Variants in TRAPPC8 observed in about 807,000 individuals in gnomAD.
TRAPPC8 encodes trafficking protein particle complex subunit 8.
In TRAPPC8, 54 loss-of-function variants were observed where a neutral mutation model predicts 174.3. The observed-to-expected ratio is 0.31, with a 90% CI of 0.25 to 0.39. The LOEUF (loss-of-function observed/expected upper bound fraction) is 0.39. Ranked by LOEUF, TRAPPC8 falls within the 10% of genes least tolerant of loss-of-function variation. The pLI is 1.00. For synonymous variants in TRAPPC8, 630 were observed against 579.9 expected (o/e 1.09, Z -1.24); for missense variants, 1,531 against 1,699.1 (o/e 0.90, Z 1.74).
chr18:31,874,496 T>C lies in TRAPPC8; in HGVS notation c.1937A>G (p.Tyr646Cys), dbSNP rs775820315. The change falls in exon 13 of 29, where the codon TAT becomes TGT. Residue 646 changes from tyrosine to cysteine, a missense_variant. Tyr to Cys is a radical substitution (Grantham distance 194). Coordinates refer to ENST00000283351, the MANE Select transcript of TRAPPC8 (RefSeq NM_014939.5). Reference sequence around the variant, plus strand: ...AGCAGTCACCTTGTAAACATAAAGATATTCTCTGAGGAAAGCCCCCTGTTG... The same window carrying C: ...AGCAGTCACCTTGTAAACATAAAGACATTCTCTGAGGAAAGCCCCCTGTTG... ...AAQQGAFLRE[Y>C]LYVYKNVSQL... is the part of the protein sequence containing the mutation. 3 of 1,613,944 alleles carry C rather than the reference T, an allele frequency of 1.9e-6. No individual in the cohort carries two copies. The highest frequency in any genetic ancestry group is 2.5e-6 in the Non-Finnish European group (3 of 1,179,974).
chr18:31,862,144 G>A (rs375708179), intron 19 of TRAPPC8, among the ~76,000 whole-genome samples: 1 of 151,946 alleles, frequency 6.6e-6, no homozygotes, highest in East Asian at 1.9e-4. Flanking sequence ...AAACAATAAT[G>A]GTGAATAACC....
intron 10 of TRAPPC8, among the ~76,000 whole-genome samples, chr18:31,898,587 T>G (rs1457469209): frequency 6.6e-6 from 1 of 152,252 alleles, no homozygotes; most frequent in Non-Finnish European, 1.5e-5. Context: ...TTTTGCTGGC[T>G]ACTTTGAGAA....
chr18:31,867,047 A>T, intron 17 of TRAPPC8, 72 bp from the exon 18 acceptor site: 1 of 1,500,314 alleles, frequency 6.7e-7, no homozygotes, highest in Non-Finnish European at 9.0e-7. Flanking sequence ...TAATTCTATA[A>T]TGTTGCAAAA....
chr18:31,869,720 A>AATAT (rs1199453895), intron 16 of TRAPPC8, among the ~76,000 whole-genome samples: 1 of 152,216 alleles, frequency 6.6e-6, no homozygotes. Flanking sequence ...TACGCCTATA[A>AATAT]AACAACACAG....
intron 12 of TRAPPC8, among the ~76,000 whole-genome samples, chr18:31,884,886 C>T (rs914052340): frequency 2.7e-5 from 4 of 149,674 alleles, no homozygotes; most frequent in Non-Finnish European, 5.9e-5. Context: ...TGGAGCCTCA[C>T]TGTGTAGCCC....
In TRAPPC8 at chr18:31,878,740, T is replaced by A. The variant is rs1037830050; in HGVS notation, c.1729-4036A>T. On this transcript the variant is annotated intron_variant, in intron 12 of 28. Transcript: ENST00000283351. The stretch of plus-strand genomic sequence containing the variant: ...CTATCTACAAGAGACCTATCTTCTG[T>A]GTAACGAGATCCACAGGCTCAAAGT... Among the ~76,000 whole-genome samples, 5 of 152,206 alleles carry A rather than the reference T, an allele frequency of 3.3e-5. No homozygotes were observed. The East Asian group carries it at 9.7e-4, about 29-fold the overall frequency.
Position 31,830,655 on chromosome 18 carries a change from T to A in TRAPPC8, c.*100A>T. Reference sequence around the variant, plus strand: ...CAAAGTATTTTGCAGGGATCAGATATCAATCAACCTCCATAACAAGTTAGG... The same window carrying A: ...CAAAGTATTTTGCAGGGATCAGATAACAATCAACCTCCATAACAAGTTAGG... On this transcript the variant is annotated 3_prime_UTR_variant, in exon 29 of 29. Transcript: ENST00000283351. 1.0e-6 allele frequency: 1 copy of A among 982,164 alleles called. No individual in the cohort carries two copies. Among genetic ancestry groups the A allele is most frequent in the Non-Finnish European group, 1.5e-6 (1 of 669,312 alleles). 60.8% of individuals were successfully genotyped at this position (982,164 alleles called of 1,614,324 possible).
Position 31,890,717 on chromosome 18 carries a change from T to C in TRAPPC8, c.1728+18A>G, listed in dbSNP as rs181148799. On this transcript the variant is annotated intron_variant, in intron 12 of 28. Coordinates refer to ENST00000283351, the MANE Select transcript of TRAPPC8 (RefSeq NM_014939.5). The stretch of plus-strand genomic sequence containing the variant: ...TAAAATAAATAGCAACTTTTCATTG[T>C]AAAGCAAATGCACTCACCTGCCCTG... The C allele has an allele frequency of 1.1e-4, 178 of 1,593,248 alleles. No individual in the cohort carries two copies. The African/African-American group carries it at 2.1e-3, about 19-fold the overall frequency.
chr18:31,915,454 C>G (rs1259443645), intron 4 of TRAPPC8, among the ~76,000 whole-genome samples: 3 of 138,534 alleles, frequency 2.2e-5, no homozygotes, highest in Non-Finnish European at 4.6e-5. Context: ...CAAAGTGAAA[C>G]CCCATCAAAA....
chr18:31,882,655 C>T (rs1007392081), intron 12 of TRAPPC8, among the ~76,000 whole-genome samples: 8 of 151,844 alleles, frequency 5.3e-5, no homozygotes, highest in Middle Eastern at 6.3e-3. Flanking sequence ...CTCGCTCTGT[C>T]GCTCAGGTTG....
At chr18:31,887,143 T>A (rs1281937821) in intron 12 of TRAPPC8, among the ~76,000 whole-genome samples, 2 of 152,174 alleles carry the variant, frequency 1.3e-5, no homozygotes, top group African/African-American at 4.8e-5. Context: ...AAAAAGCTTA[T>A]CCACCACAAT....
intron 19 of TRAPPC8, among the ~76,000 whole-genome samples, chr18:31,859,761 C>T (rs905142108): frequency 8.5e-5 from 13 of 152,136 alleles, no homozygotes; most frequent in South Asian, 4.1e-4. Flanking sequence ...CAGTGGCTCA[C>T]GCCTGTAATC....
intron 5 of TRAPPC8, among the ~76,000 whole-genome samples, chr18:31,912,150 C>T (rs997568144): frequency 1.3e-5 from 2 of 152,050 alleles, no homozygotes; most frequent in African/African-American, 4.8e-5. Flanking sequence ...TGCCCACCCA[C>T]CTAAAAAGTA....
intron 2 of TRAPPC8, among the ~76,000 whole-genome samples, chr18:31,929,034 T>C (rs569906897): frequency 1.3e-5 from 2 of 151,622 alleles, no homozygotes; most frequent in South Asian, 4.2e-4. Context: ...TACAAAAAAT[T>C]AGCTGGGCGT....
At chr18:31,842,467 TG>T (rs1568034929) in intron 26 of TRAPPC8, among the ~76,000 whole-genome samples, 1 of 152,234 alleles carries the variant, frequency 6.6e-6, no homozygotes, top group Non-Finnish European at 1.5e-5. Context: ...GGCATCAGGC[TG>T]ATCACCTGCA....
chr18:31,846,586 CA>C, intron 26 of TRAPPC8, 129 bp downstream of exon 26: 21 of 717,532 alleles, frequency 2.9e-5, no homozygotes, highest in South Asian at 4.2e-5. Context: ...AAAACAACAA[CA>C]AAAAAAACCA....
At chr18:31,843,672 T>A (rs939630697) in intron 26 of TRAPPC8, among the ~76,000 whole-genome samples, 6 of 152,224 alleles carry the variant, frequency 3.9e-5, no homozygotes, top group Non-Finnish European at 7.3e-5. Flanking sequence ...ATTTACTTAA[T>A]AATTACCAAG....
intron 4 of TRAPPC8, among the ~76,000 whole-genome samples, chr18:31,914,154 G>GAAAA (rs2037036567): frequency 7.8e-6 from 1 of 127,622 alleles, no homozygotes. Context: ...AAAAAAGGAG[G>GAAAA]AAAAACAAGA....
rs752711202 is a variant in TRAPPC8, at chr18:31,916,322, T to C, written c.567A>G (p.Thr189=). The change falls in exon 4 of 29, where the codon ACA becomes ACG. Residue 189 remains threonine, a synonymous_variant. Transcript: ENST00000283351. ...YSYPKWFIPN[T]LKYYVLLHDV... is the part of the protein sequence containing the mutation. ...CATGTAAAAGTACATAGTATTTAAG[T>C]GTATTTGGTATAAACCACTTGGGGT... is the stretch of plus-strand genomic sequence containing the variant. 6.2e-7 allele frequency: 1 copy of C among 1,611,714 alleles called. No individual in the cohort carries two copies. The highest frequency in any genetic ancestry group is 1.1e-5 in the South Asian group (1 of 90,444).
Sources: gnomAD v4.1 joint callset for allele counts (sites outside exome capture counted in the v4.1 genomes callset) on GRCh38, gnomAD v4.1.1 for gene constraint, MANE v1.5 for transcripts, NCBI Gene and HGNC (gene_info 2026-07-23, HGNC 2026-07-21) for gene names.